CYP26C1: variants seen among roughly 807,000 people sequenced by gnomAD.
CYP26C1 encodes cytochrome P450 family 26 subfamily C member 1, also known as cytochrome P450 26C1.
A neutral mutation model predicts 39.1 loss-of-function variants in CYP26C1; 41 were observed. The ratio of observed to expected loss-of-function variants is 1.05; its 90% CI spans 0.82 to 1.36. The LOEUF is 1.36. CYP26C1 is among the 40% of genes most tolerant of loss of function. The pLI, the probability that CYP26C1 is intolerant of heterozygous loss-of-function variation, is 0.00. For missense variants in CYP26C1, 833 were observed against 752.0 expected (o/e 1.11, Z -1.26); for synonymous variants, 362 against 350.8 (o/e 1.03, Z -0.36).
chr10:93,065,820 G>A (rs562665271), intron 4 of CYP26C1, 136 bp from the exon 5 acceptor site: 1 of 760,582 alleles, frequency 1.3e-6, no homozygotes, highest in Non-Finnish European at 1.9e-6. Flanking sequence ...CAGTCGCGGC[G>A]GTAATAGCAC....
In CYP26C1 at chr10:93,064,528, G is replaced by A; in HGVS notation, c.853G>A (p.Glu285Lys). 1 of 1,610,360 alleles carries A rather than the reference G, an allele frequency of 6.2e-7. No homozygotes were observed. Among genetic ancestry groups the A allele is most frequent in the South Asian group, 1.1e-5 (1 of 91,026 alleles). Residue 285 changes from glutamate (E) to lysine (K), a missense_variant, in exon 4 of 6, where the codon GAG (glutamate) becomes AAG (lysine). Physicochemically the swap from Glu to Lys is moderately conservative, Grantham distance 56. Transcript: ENST00000651965. Reference protein sequence around the residue: ...RELGHEPSMQELKESAVELLF... With the variant: ...RELGHEPSMQKLKESAVELLF... ...GCTGGGCCATGAGCCCTCCATGCAG[G>A]AGCTGAAGGTAGGTGCTGACAGGCC...
At chr10:93,067,791 C>G (rs932384003) in intron 5 of CYP26C1, among the ~76,000 whole-genome samples, 1 of 152,114 alleles carries the variant, frequency 6.6e-6, no homozygotes, top group Non-Finnish European at 1.5e-5. Context: ...AAGTGTGGTA[C>G]CAAATCTGAA....
chr10:93,062,056 T>C lies in CYP26C1; in HGVS notation c.251T>C (p.Phe84Ser). 6.3e-7 allele frequency: 1 copy of C among 1,581,148 alleles called. No homozygotes were observed. Among genetic ancestry groups the C allele is most frequent in the African/African-American group, 1.3e-5 (1 of 74,698 alleles). Reference protein sequence around the residue: ...SSRRERYGTVFKTHLLGRPVI... With the variant: ...SSRRERYGTVSKTHLLGRPVI... ...CGCCGAGAGCGCTATGGGACAGTGT[T>C]CAAGACGCACCTGCTGGGCAGGCCA... Residue 84 changes from phenylalanine (F) to serine (S), a missense_variant, in exon 2 of 6, where the codon TTC becomes TCC. Coordinates refer to ENST00000651965, the MANE Select transcript of CYP26C1 (RefSeq NM_183374.3).
intron 3 of CYP26C1, chr10:93,063,511 T>C (rs1846778866): frequency 5.1e-6 from 5 of 986,112 alleles, no homozygotes; most frequent in Non-Finnish European, 6.0e-6. Context: ...AGAGAACTGC[T>C]GCTTCTCCAG....
chr10:93,061,357 C>T lies in CYP26C1; in HGVS notation c.94C>T (p.Leu32Phe). The change falls in exon 1 of 6, where the codon CTC (leucine) becomes TTC (phenylalanine). Residue 32 changes from leucine (L) to phenylalanine (F), a missense_variant. By Grantham distance (22) the Leu-to-Phe change is conservative (BLOSUM62 0). Coordinates refer to ENST00000651965, the MANE Select transcript of CYP26C1 (RefSeq NM_183374.3). ...CCTGCTGCTCAGCCTGGCCCAGCAC[C>T]TCTGGACCCTCCGCTGGATGCTGAG... ...AGLLLSLAQH[L>F]WTLRWMLSRD... The T allele has an allele frequency of 1.3e-6, 2 of 1,581,814 alleles. No homozygotes were observed. The highest frequency in any genetic ancestry group is 1.7e-6 in the Non-Finnish European group (2 of 1,164,334).
Position 93,068,589 on chromosome 10 carries a change from C to T in CYP26C1, c.1461C>T (p.Pro487=). 1 of 1,594,858 alleles carries T rather than the reference C, an allele frequency of 6.3e-7. No homozygotes were observed. The highest frequency in any genetic ancestry group is 1.1e-5 in the South Asian group (1 of 88,696). The stretch of plus-strand genomic sequence containing the variant: ...CCGCGCGCTGGGAACTGGCCACACC[C>T]GCCTTCCCCGCCATGCAGACGGTGC... The part of the protein sequence containing the change: ...VRTARWELAT[P]AFPAMQTVPI... Residue 487 remains proline (P), a synonymous_variant, in exon 6 of 6, where the codon CCC becomes CCT. Transcript: ENST00000651965.
intron 3 of CYP26C1, chr10:93,063,656 G>A (rs4919592): frequency 0.092 from 90,912 of 985,294 alleles, 4,214 homozygotes; most frequent in Admixed American, 0.15. Context: ...ATGTGTAAAG[G>A]ATCATGCTAT....
intron 4 of CYP26C1, among the ~76,000 whole-genome samples, chr10:93,065,314 G>A (rs531637615): frequency 4.6e-5 from 7 of 152,364 alleles, no homozygotes; most frequent in Admixed American, 2.6e-4. Flanking sequence ...GAACTAATAA[G>A]AGCATGAGCA....
Position 93,061,555 on chromosome 10 carries a change from A to T in CYP26C1, c.204+88A>T, listed in dbSNP as rs1009131395. On this transcript the variant is annotated intron_variant, in intron 1 of 5. Coordinates refer to ENST00000651965, the MANE Select transcript of CYP26C1 (RefSeq NM_183374.3). ...CCTCCTCAGTCTCAATGCCCATGGG[A>T]TTTGTAGCCAGTCCCTGCCCATCGC... 6.8e-6 allele frequency: 10 copies of T among 1,470,010 alleles called. No individual in the cohort carries two copies. In the African/African-American group the frequency reaches 1.4e-4, roughly 21 times the overall value. 91.1% of individuals were successfully genotyped at this position (1,470,010 alleles called of 1,614,324 possible). A position where few individuals can be genotyped will look rare whatever the true frequency, so the allele number is the denominator to read the frequency against.
intron 4 of CYP26C1, 27 bp downstream of exon 4, chr10:93,064,563 C>T (rs1342388004): frequency 1.3e-6 from 2 of 1,599,500 alleles, no homozygotes; most frequent in African/African-American, 2.7e-5. Flanking sequence ...CGCTCCTTCT[C>T]CCCTCTTTTG....
In CYP26C1 at chr10:93,063,516, C is replaced by T. The variant is rs74452315; in HGVS notation, c.705+521C>T. 647 of 986,148 alleles carry T rather than the reference C, an allele frequency of 6.6e-4. 5 individuals are homozygous for T. The African/African-American group carries it at 0.01, about 16-fold the overall frequency. The allele number at this position is 986,148 out of a possible 1,614,324, so 61.1% of individuals were successfully genotyped here. ...TTTCGGGATCAGAGAACTGCTGCTTCTCCAGACTTCAGAACAATGGGCAGG... is the reference window on the plus strand; with the variant it reads ...TTTCGGGATCAGAGAACTGCTGCTTTTCCAGACTTCAGAACAATGGGCAGG... On this transcript the variant is annotated intron_variant, in intron 3 of 5. Transcript: ENST00000651965.
chr10:93,062,527 G>A (rs1208756988), intron 2 of CYP26C1, among the ~76,000 whole-genome samples, 193 bp from the exon 3 acceptor site: 1 of 152,246 alleles, frequency 6.6e-6, no homozygotes, highest in Admixed American at 6.5e-5. Context: ...GGCAGCTGGA[G>A]CCTGGATGGT....
intron 3 of CYP26C1, chr10:93,063,619 G>A (rs1846779852): frequency 1.0e-6 from 1 of 985,390 alleles, no homozygotes. Flanking sequence ...TGATTCCCTG[G>A]TTTTCAGTCA....
In CYP26C1 at chr10:93,068,930, C is replaced by T; in HGVS notation, c.*233C>T. ...CCCATGGGAAGATGCCTTCTGCGCT[C>T]CGCGCCCAGAGGAAGGAAAATGTCG... is the stretch of plus-strand genomic sequence containing the variant. On this transcript the variant is annotated 3_prime_UTR_variant, in exon 6 of 6. Transcript: ENST00000651965. 1.6e-6 allele frequency: 1 copy of T among 625,484 alleles called. No homozygotes were observed. Among genetic ancestry groups the T allele is most frequent in the Non-Finnish European group, 2.4e-6 (1 of 411,658 alleles). The allele number at this position is 625,484 out of a possible 1,614,324, so 38.7% of individuals were successfully genotyped here. A position where few individuals can be genotyped will look rare whatever the true frequency, so the allele number is the denominator to read the frequency against.
At chr10:93,063,442 C>G (rs1846778272) in intron 3 of CYP26C1, 3 of 990,160 alleles carry the variant, frequency 3.0e-6, no homozygotes, top group Non-Finnish European at 3.6e-6. Flanking sequence ...GCGCCAGCCC[C>G]GGACCCAGGG....
Position 93,068,778 on chromosome 10 carries a change from G to A in CYP26C1, c.*81G>A. The A allele has an allele frequency of 6.9e-7, 1 of 1,444,206 alleles. No homozygotes were observed. Among genetic ancestry groups the A allele is most frequent in the Non-Finnish European group, 9.1e-7 (1 of 1,098,976 alleles). 89.5% of individuals were successfully genotyped at this position (1,444,206 alleles called of 1,614,324 possible). On this transcript the variant is annotated 3_prime_UTR_variant, in exon 6 of 6. Coordinates refer to ENST00000651965, the MANE Select transcript of CYP26C1 (RefSeq NM_183374.3). ...CACCCATCTGCCGCTCCCCATTGTAGCGTCGCGCGCCCACTCTTTCACTCG... is the reference window on the plus strand; with the variant it reads ...CACCCATCTGCCGCTCCCCATTGTAACGTCGCGCGCCCACTCTTTCACTCG...
intron 3 of CYP26C1, chr10:93,064,104 C>A: frequency 8.3e-7 from 1 of 1,202,128 alleles, no homozygotes; most frequent in Non-Finnish European, 1.1e-6. Flanking sequence ...ATTGCTTGAC[C>A]TCTCTGAACT....
At position 93,068,649 on chromosome 10, in the gene CYP26C1, T is replaced by C; in HGVS notation, c.1521T>C (p.Phe507=). ...IVHPVDGLRL[F]FHPLTPSVAG... is the part of the protein sequence containing the mutation. ...ACCCAGTGGACGGGCTGCGGCTCTT[T>C]TTCCACCCCCTCACGCCTTCGGTTG... is the stretch of plus-strand genomic sequence containing the variant. Residue 507 remains phenylalanine, a synonymous_variant, in exon 6 of 6, where the codon TTT becomes TTC. Transcript: ENST00000651965. The C allele has an allele frequency of 6.3e-7, 1 of 1,593,358 alleles. No individual in the cohort carries two copies. The highest frequency in any genetic ancestry group is 8.6e-7 in the Non-Finnish European group (1 of 1,168,662).
At chr10:93,067,620 C>T (rs1391002219) in intron 5 of CYP26C1, among the ~76,000 whole-genome samples, 2 of 152,174 alleles carry the variant, frequency 1.3e-5, no homozygotes, top group Non-Finnish European at 2.9e-5. Context: ...TTTGAGTATT[C>T]ACCCTGGAAC....
Sources: gnomAD v4.1 joint callset for allele counts (sites outside exome capture counted in the v4.1 genomes callset) on GRCh38, gnomAD v4.1.1 for gene constraint, MANE v1.5 for transcripts, NCBI Gene and HGNC (gene_info 2026-07-23, HGNC 2026-07-21) for gene names.